ZPBP: variants seen among roughly 807,000 people sequenced by gnomAD.
ZPBP encodes the protein zona pellucida-binding protein 1.
In ZPBP, 26 loss-of-function variants were observed where a neutral mutation model predicts 44.8. That is an observed-to-expected ratio of 0.58 (90% confidence interval 0.43 to 0.81). The LOEUF (loss-of-function observed/expected upper bound fraction) is 0.81. Among genes scored for constraint, ZPBP ranks in the 30% least tolerant of loss-of-function variants. ZPBP has a pLI of 0.00. For missense variants in ZPBP, 409 were observed against 434.0 expected (o/e 0.94, Z 0.51); for synonymous variants, 174 against 153.2 (o/e 1.14, Z -1.00).
intron 7 of ZPBP, among the ~76,000 whole-genome samples, chr7:49,979,758 T>C (rs998498975): frequency 6.9e-6 from 1 of 144,072 alleles, no homozygotes; most frequent in African/African-American, 2.5e-5. Context: ...TTAACTACTA[T>C]GTTCCAGTTT....
chr7:49,841,309 CTTT>C, the ZPBP span, among the ~76,000 whole-genome samples: 20 of 145,772 alleles, frequency 1.4e-4, no homozygotes, highest in Non-Finnish European at 1.5e-4. Context: ...TTACACATTA[CTTT>C]TTTTTTTTTT....
downstream of ZPBP, among the ~76,000 whole-genome samples, chr7:49,848,046 G>T (rs1435433968): frequency 6.6e-6 from 1 of 152,194 alleles, no homozygotes; most frequent in East Asian, 1.9e-4. Context: ...CAACATGGGT[G>T]GGAAGTCGGA....
At chr7:49,919,848 G>A (rs1325660858) in intron 1 of ZPBP, 1 of 152,128 alleles carries the variant, frequency 6.6e-6, no homozygotes, top group East Asian at 1.9e-4. Flanking sequence ...TTTAAGATAG[G>A]CATCAGTGCA....
intron 4 of ZPBP, among the ~76,000 whole-genome samples, chr7:50,054,757 G>A (rs1800851781): frequency 6.6e-6 from 1 of 152,046 alleles, no homozygotes; most frequent in Non-Finnish European, 1.5e-5. Flanking sequence ...CTTAGAATAT[G>A]AGATTAATAA....
intron 2 of ZPBP, among the ~76,000 whole-genome samples, chr7:49,853,456 AC>A (rs912022042): frequency 4.0e-5 from 6 of 151,774 alleles, no homozygotes; most frequent in African/African-American, 1.5e-4. Context: ...CATATTAGGG[AC>A]CCAAACCCCA....
rs1562858130 is a variant in ZPBP, at chr7:50,031,202, C to T, written c.596G>A (p.Ser199Asn). The change falls in exon 5 of 8, where the codon AGC (serine) becomes AAC (asparagine). Residue 199 changes from serine (S) to asparagine (N), a missense_variant. Physicochemically the swap from Ser to Asn is conservative, Grantham distance 46. Around this residue, in one of 2 missense-constraint regions of ZPBP, gnomAD observed 367 missense variants for 363.1 expected, o/e 1.01. Transcript: ENST00000046087. ...SFEKKLLQIL[S>N]KLLLDLSCEI... is the part of the protein sequence containing the mutation. ...ACATGAAAGGTCAAGAAGCAGTTTG[C>T]TTAAAATCTGAAGAAGTTTCTTCTC... 6.2e-7 allele frequency: 1 copy of T among 1,613,508 alleles called. No individual in the cohort carries two copies. The highest frequency in any genetic ancestry group is 8.5e-7 in the Non-Finnish European group (1 of 1,179,812).
downstream of ZPBP, among the ~76,000 whole-genome samples, chr7:49,847,769 A>G (rs367561098): frequency 3.9e-5 from 6 of 152,316 alleles, no homozygotes; most frequent in East Asian, 9.7e-4. Flanking sequence ...GAGCACAGGA[A>G]CTGCCCCTGT....
chr7:50,060,228 T>G (rs1584142601), intron 3 of ZPBP, among the ~76,000 whole-genome samples: 1 of 152,114 alleles, frequency 6.6e-6, no homozygotes, highest in Non-Finnish European at 1.5e-5. Context: ...AAGACTCCAC[T>G]GCATGGAACC....
intron 6 of ZPBP, among the ~76,000 whole-genome samples, chr7:49,994,961 G>A (rs796957104): frequency 4.6e-5 from 7 of 152,178 alleles, no homozygotes; most frequent in African/African-American, 1.7e-4. Flanking sequence ...CCTAGGCATT[G>A]TACCCCTTTT....
chr7:49,894,549 C>A lies in ZPBP; in HGVS notation n.509+6569G>T, dbSNP rs527573900. Among the ~76,000 whole-genome samples, 8 of 152,320 alleles carry A rather than the reference C, an allele frequency of 5.3e-5. No homozygotes were observed. In the East Asian group the frequency reaches 1.5e-3, roughly 29 times the overall value. Reference sequence around the variant, plus strand: ...ATACTTTTATTTCAGTATGCCAATTCATTATTTAATTTGAAGACTTAACTC... The same window carrying A: ...ATACTTTTATTTCAGTATGCCAATTAATTATTTAATTTGAAGACTTAACTC... On this transcript the variant is annotated intron_variant and non_coding_transcript_variant, in intron 2 of 2. Coordinates refer to the ZPBP transcript ENST00000465922.
chr7:50,008,852 A>G (rs935000457), intron 6 of ZPBP, among the ~76,000 whole-genome samples: 1 of 152,110 alleles, frequency 6.6e-6, no homozygotes, highest in African/African-American at 2.4e-5. Context: ...TGGATGTTTT[A>G]GCCACTGCAA....
intron 7 of ZPBP, among the ~76,000 whole-genome samples, chr7:49,944,927 G>T (rs1198971433): frequency 6.6e-6 from 1 of 151,832 alleles, no homozygotes; most frequent in African/African-American, 2.4e-5. Context: ...AGTTCTTTAA[G>T]ATGTATCAAT....
chr7:50,064,900 G>A (rs1187755167), intron 3 of ZPBP, among the ~76,000 whole-genome samples: 1 of 152,172 alleles, frequency 6.6e-6, no homozygotes, highest in Non-Finnish European at 1.5e-5. Context: ...AATCACAAGG[G>A]TATTGATTGG....
At chr7:50,061,965 C>A (rs754468072) in intron 3 of ZPBP, among the ~76,000 whole-genome samples, 21 of 152,186 alleles carry the variant, frequency 1.4e-4, no homozygotes, top group Non-Finnish European at 2.6e-4. Context: ...TGATAAACAA[C>A]TTCAGCAAAC....
At chr7:49,849,305 C>T (rs768126794), downstream of ZPBP, among the ~76,000 whole-genome samples, 2 of 152,162 alleles carry the variant, frequency 1.3e-5, no homozygotes, top group Non-Finnish European at 2.9e-5. Context: ...ATTAAATCTG[C>T]TCAAAAGTAA....
At chr7:49,900,467 G>T (rs1328020704) in intron 2 of ZPBP, among the ~76,000 whole-genome samples, 1 of 151,656 alleles carries the variant, frequency 6.6e-6, no homozygotes, top group East Asian at 1.9e-4. Context: ...AGAAACAAAA[G>T]AGAGGACATC....
At chr7:49,862,149 T>A (rs928905182) in intron 2 of ZPBP, among the ~76,000 whole-genome samples, 1 of 152,220 alleles carries the variant, frequency 6.6e-6, no homozygotes, top group African/African-American at 2.4e-5. Flanking sequence ...TTTCTTTAAT[T>A]TCTTTAAGCA....
chr7:49,998,886 C>T (rs1200649451), intron 6 of ZPBP, among the ~76,000 whole-genome samples: 1 of 151,918 alleles, frequency 6.6e-6, no homozygotes, highest in Non-Finnish European at 1.5e-5. Flanking sequence ...TGAGTGCACA[C>T]CACACACAAA....
intron 3 of ZPBP, among the ~76,000 whole-genome samples, chr7:50,072,255 C>T (rs1185713493): frequency 6.6e-6 from 1 of 152,174 alleles, no homozygotes; most frequent in Non-Finnish European, 1.5e-5. Flanking sequence ...TCAGGTGAGG[C>T]TCCTCTCCCT....
Sources: allele counts gnomAD v4.1 joint callset (sites outside exome capture counted in the v4.1 genomes callset), GRCh38; gene constraint gnomAD v4.1.1; regional missense constraint gnomAD v4.1.1; transcripts MANE v1.5; gene names NCBI Gene and HGNC (gene_info 2026-07-23, HGNC 2026-07-21).